The following RANBP1 variants were observed in gnomAD, a reference collection of about 807,000 sequenced individuals.
RANBP1 encodes RAN binding protein 1, also known as ran-specific GTPase-activating protein.
RANBP1 carries 16 observed loss-of-function variants against 31.4 expected under a neutral mutation model. That is an observed-to-expected ratio of 0.51 (90% CI 0.34 to 0.77). The LOEUF is 0.77. Ranked by LOEUF, RANBP1 falls within the 30% of genes least tolerant of loss-of-function variation. RANBP1 has a pLI of 0.01. For missense variants in RANBP1, 265 were observed against 362.0 expected (o/e 0.73, Z 2.17); for synonymous variants, 129 against 140.5 (o/e 0.92, Z 0.58).
intron 4 of RANBP1, among the ~76,000 whole-genome samples, chr22:20,126,079 C>A (rs573107618): frequency 1.3e-5 from 2 of 152,264 alleles, no homozygotes; most frequent in African/African-American, 4.8e-5. Flanking sequence ...GAGGCCCATG[C>A]CCCTTGGTTG....
rs1285572770 is a variant in RANBP1, at chr22:20,123,522, G to A, written c.541+1101G>A. Among the ~76,000 whole-genome samples, 4 of 151,586 alleles carry A rather than the reference G, an allele frequency of 2.6e-5. No individual in the cohort carries two copies. In the East Asian group the frequency reaches 5.8e-4, roughly 22 times the overall value. Reference sequence around the variant, plus strand: ...TGTGTGAGAGAGATTGGGGGTGTTCGGGCAGTGTAAGAGCAGATGTGTGAG... The same window carrying A: ...TGTGTGAGAGAGATTGGGGGTGTTCAGGCAGTGTAAGAGCAGATGTGTGAG... On this transcript the variant is annotated intron_variant, in intron 3 of 5. Transcript: ENST00000430524.
intron 1 of RANBP1, chr22:20,117,934 G>T (rs923670340): frequency 9.9e-7 from 1 of 1,011,782 alleles, no homozygotes; most frequent in East Asian, 1.0e-4. Context: ...AGCGGCCGTC[G>T]CCACGCGGGA....
chr22:20,122,722 G>GCT (rs758897637), intron 3 of RANBP1: 1 of 913,106 alleles, frequency 1.1e-6, no homozygotes, highest in African/African-American at 3.1e-5. Flanking sequence ...GCGAGGGGGT[G>GCT]CTGTGTGTGT....
intron 2 of RANBP1, 178 bp downstream of exon 2, chr22:20,119,327 A>ATGCCCTTGC (rs1259713267): frequency 1.6e-6 from 1 of 624,456 alleles, no homozygotes; most frequent in African/African-American, 1.8e-5. Flanking sequence ...TCTTCACCAG[A>ATGCCCTTGC]TGCCCTTGCT....
intron 4 of RANBP1, chr22:20,125,673 C>T: frequency 7.2e-7 from 1 of 1,395,930 alleles, no homozygotes; most frequent in Non-Finnish European, 9.3e-7. Flanking sequence ...GCAGTGCCCG[C>T]TCAGCCGCCT....
At chr22:20,116,610 G>T (rs745660448) in intron 1 of RANBP1, 180 bp downstream of exon 1, 1 of 1,535,708 alleles carries the variant, frequency 6.5e-7, no homozygotes, top group East Asian at 2.3e-5. Context: ...TGGGCTTCGG[G>T]CCCTGTGTGG....
rs775387952 is a variant in RANBP1 at position 20,127,098 on chromosome 22, T to A, written c.*46T>A. ...TTTCCTCTCTTTCCTTTCCTTTTTT[T>A]AAAAAATTTTACCCTGCCCCTCTTT... On this transcript the variant is annotated 3_prime_UTR_variant, in exon 6 of 6. Transcript: ENST00000430524. The A allele has an allele frequency of 8.9e-5, 134 of 1,514,078 alleles. No individual in the cohort carries two copies. Among genetic ancestry groups the A allele is most frequent in the South Asian group, 3.5e-4 (28 of 80,440 alleles). 93.8% of individuals were successfully genotyped at this position (1,514,078 alleles called of 1,614,324 possible).
intron 1 of RANBP1, chr22:20,116,871 C>T: frequency 6.2e-7 from 1 of 1,604,028 alleles, no homozygotes; most frequent in Non-Finnish European, 8.5e-7. Flanking sequence ...CCAGCGTCTC[C>T]CCGCACTCTA....
Position 20,119,113 on chromosome 22 carries a change from A to G in RANBP1, c.347A>G (p.Lys116Arg). Reference protein sequence around the residue: ...PIVSLPEQEIKTLEEDEEELF... With the variant: ...PIVSLPEQEIRTLEEDEEELF... ...GTTTCTCTTCCTGAGCAAGAAATTA[A>G]AACACTGGAAGAAGATGAAGAGGAA... is the stretch of plus-strand genomic sequence containing the variant. The change falls in exon 2 of 6, where the codon AAA (lysine) becomes AGA (arginine). Residue 116 changes from lysine to arginine, a missense_variant. Transcript: ENST00000430524. The G allele has an allele frequency of 1.2e-6, 2 of 1,612,842 alleles. No homozygotes were observed. The highest frequency in any genetic ancestry group is 1.7e-6 in the Non-Finnish European group (2 of 1,179,030).
rs558094648 is a variant in RANBP1 at position 20,119,819 on chromosome 22, C to T, written c.383+670C>T. On this transcript the variant is annotated intron_variant, in intron 2 of 5. Transcript: ENST00000430524. The stretch of plus-strand genomic sequence containing the variant: ...CGTCAGCTACCGCGCCCGGCCCACC[C>T]TTAATATACAACATGATGCTTGCGA... Among the ~76,000 whole-genome samples the T allele has an allele frequency of 2.0e-5, 3 of 152,290 alleles. No homozygotes were observed. The South Asian group carries it at 6.2e-4, about 32-fold the overall frequency.
chr22:20,116,462 G>A (rs778344800), intron 1 of RANBP1, 32 bp downstream of exon 1: 3 of 1,612,796 alleles, frequency 1.9e-6, no homozygotes, highest in African/African-American at 2.7e-5. Context: ...TAGCTGTAGA[G>A]CCCGGGCTGA....
intron 3 of RANBP1, chr22:20,122,828 G>A (rs1014442933): frequency 1.5e-6 from 1 of 682,158 alleles, no homozygotes; most frequent in Non-Finnish European, 2.0e-6. Context: ...GTATCTAGGG[G>A]GCTGTGGTGT....
rs1244875569 is a variant in RANBP1, at chr22:20,126,321, C to T, written c.689C>T (p.Thr230Ile). ...TCCACAGATGCACAGAAATTCAAAACAAAGTTTGAAGAATGCAGGAAAGAG... is the reference window on the plus strand; with the variant it reads ...TCCACAGATGCACAGAAATTCAAAATAAAGTTTGAAGAATGCAGGAAAGAG... ...LNAENAQKFK[T>I]KFEECRKEIE... Residue 230 changes from threonine to isoleucine, a missense_variant, in exon 5 of 6, where the codon ACA (threonine) becomes ATA (isoleucine). Physicochemically the swap from Thr to Ile is moderately conservative, Grantham distance 89. Coordinates refer to ENST00000430524, the MANE Select transcript of RANBP1 (RefSeq NM_001278639.2). The T allele has an allele frequency of 5.6e-6, 9 of 1,613,492 alleles. No individual in the cohort carries two copies. Among genetic ancestry groups the T allele is most frequent in the Middle Eastern group, 1.7e-4 (1 of 6,022 alleles).
intron 3 of RANBP1, chr22:20,122,693 G>A (rs1412122325): frequency 1.4e-6 from 2 of 1,388,950 alleles, no homozygotes; most frequent in Non-Finnish European, 1.9e-6. Flanking sequence ...GGCTCGGGAC[G>A]AGGAGTGAGT....
intron 2 of RANBP1, among the ~76,000 whole-genome samples, chr22:20,121,731 A>G (rs184135277): frequency 3.4e-4 from 51 of 151,806 alleles, no homozygotes; most frequent in African/African-American, 1.2e-3. Flanking sequence ...TTTTGTAGAG[A>G]TAGTGTCTTG....
intron 1 of RANBP1, chr22:20,117,268 A>G (rs2050056691): frequency 3.1e-6 from 2 of 646,920 alleles, no homozygotes; most frequent in Non-Finnish European, 4.5e-6. Flanking sequence ...CGCCGGATCC[A>G]ACCCCCAACC....
intron 5 of RANBP1, chr22:20,126,596 C>T (rs765054122): frequency 3.8e-5 from 59 of 1,534,568 alleles, no homozygotes; most frequent in Non-Finnish European, 4.8e-5. Context: ...CATTGGAGTC[C>T]GGGCACTGCC....
intron 5 of RANBP1, 113 bp downstream of exon 5, chr22:20,126,481 G>A (rs1248787747): frequency 6.3e-7 from 1 of 1,599,526 alleles, no homozygotes; most frequent in African/African-American, 1.3e-5. Flanking sequence ...GGGTGCTGTG[G>A]CCGCCTCACG....
chr22:20,126,486 C>T (rs1427830316), intron 5 of RANBP1, 118 bp downstream of exon 5: 1 of 1,598,514 alleles, frequency 6.3e-7, no homozygotes, highest in Non-Finnish European at 8.5e-7. Context: ...CTGTGGCCGC[C>T]TCACGTATCC....
Sources: allele counts gnomAD v4.1 joint callset (sites outside exome capture counted in the v4.1 genomes callset), GRCh38; gene constraint gnomAD v4.1.1; transcripts MANE v1.5; gene names NCBI Gene and HGNC (gene_info 2026-07-23, HGNC 2026-07-21).